The following NEIL3 variants were observed in gnomAD, a reference collection of about 807,000 sequenced individuals.
NEIL3 encodes the protein endonuclease 8-like 3.
A neutral mutation model predicts 57.5 loss-of-function variants in NEIL3; 48 were observed. That is an observed-to-expected ratio of 0.83 (90% confidence interval 0.66 to 1.06). NEIL3 has a LOEUF of 1.06. Among genes scored for constraint, NEIL3 ranks in the 50% least tolerant of loss-of-function variants. The pLI is 0.00. For synonymous variants in NEIL3, 261 were observed against 253.2 expected (o/e 1.03, Z -0.29); for missense variants, 717 against 739.1 (o/e 0.97, Z 0.35).
At chr4:177,371,214 A>T in the NEIL3 span, among the ~76,000 whole-genome samples, 4 of 152,150 alleles carry the variant, frequency 2.6e-5, no homozygotes, top group Non-Finnish European at 5.9e-5. Context: ...GTCACTCCCA[A>T]TCGCTAGCAT....
At chr4:177,321,141 C>T (rs558050454) in intron 1 of NEIL3, among the ~76,000 whole-genome samples, 1 of 152,242 alleles carries the variant, frequency 6.6e-6, no homozygotes, top group East Asian at 1.9e-4. Context: ...TCATTTCACT[C>T]TAAATTGAGG....
At chr4:177,363,164 T>G (rs1735643608), downstream of NEIL3, among the ~76,000 whole-genome samples, 1 of 152,192 alleles carries the variant, frequency 6.6e-6, no homozygotes, top group Non-Finnish European at 1.5e-5. Context: ...GTATTTAAAT[T>G]TTAGCACAGA....
chr4:177,314,999 G>A (rs1734546505), intron 1 of NEIL3, among the ~76,000 whole-genome samples: 1 of 150,966 alleles, frequency 6.6e-6, no homozygotes, highest in Admixed American at 6.6e-5. Context: ...AACCCAGGAG[G>A]TGGAGCTTGC....
intron 1 of NEIL3, among the ~76,000 whole-genome samples, chr4:177,322,094 A>G (rs1458809488): frequency 6.6e-6 from 1 of 152,230 alleles, no homozygotes; most frequent in Non-Finnish European, 1.5e-5. Flanking sequence ...ACTTGGCTAT[A>G]TACTTCTGGA....
intron 1 of NEIL3, among the ~76,000 whole-genome samples, chr4:177,317,604 T>C (rs1198148505): frequency 7.6e-6 from 1 of 130,960 alleles, no homozygotes; most frequent in Non-Finnish European, 1.6e-5. Context: ...TTTCTTTTTT[T>C]TTTTTTTTTT....
At chr4:177,310,209 GC>G in intron 1 of NEIL3, 100 bp downstream of exon 1, 1 of 1,295,686 alleles carries the variant, frequency 7.7e-7, no homozygotes, top group Non-Finnish European at 1.0e-6. Context: ...CTTTGCTCTG[GC>G]CCAGGTTTCC....
chr4:177,320,292 C>G (rs934561196), intron 1 of NEIL3, among the ~76,000 whole-genome samples: 2 of 151,884 alleles, frequency 1.3e-5, no homozygotes, highest in African/African-American at 4.8e-5. Flanking sequence ...TGTGTTTTTT[C>G]CTCACTGAGT....
At chr4:177,350,510 A>T (rs1419934367) in intron 6 of NEIL3, among the ~76,000 whole-genome samples, 1 of 152,224 alleles carries the variant, frequency 6.6e-6, no homozygotes, top group Non-Finnish European at 1.5e-5. Flanking sequence ...GCTATCCACC[A>T]TGAAACAGTC....
chr4:177,334,985 G>A lies in NEIL3; in HGVS notation c.279-703G>A, dbSNP rs186825221. 9.4e-3 allele frequency among the ~76,000 whole-genome samples: 1,430 copies of A among 152,166 alleles called. 13 individuals are homozygous for A. The highest frequency in any genetic ancestry group is 0.016 in the Non-Finnish European group (1,064 of 67,990). On this transcript the variant is annotated intron_variant, in intron 2 of 9. Coordinates refer to ENST00000264596, the MANE Select transcript of NEIL3 (RefSeq NM_018248.3). ...TACGAATTTTTCATCGCTGCCTTGT[G>A]GCTTTCAAGTTAACCGTAAATATTT...
chr4:177,318,975 G>C (rs1368236898), intron 1 of NEIL3, among the ~76,000 whole-genome samples: 6 of 152,162 alleles, frequency 3.9e-5, no homozygotes, highest in Non-Finnish European at 8.8e-5. Context: ...ATTTTTAATG[G>C]GGAGGAGGAT....
chr4:177,345,174 C>T (rs920115283), intron 6 of NEIL3, among the ~76,000 whole-genome samples: 3 of 152,106 alleles, frequency 2.0e-5, no homozygotes, highest in Admixed American at 6.5e-5. Flanking sequence ...GAAGAAGAAA[C>T]ACTTAAGTCT....
chr4:177,347,898 A>G (rs1339586695), intron 6 of NEIL3, among the ~76,000 whole-genome samples: 1 of 152,216 alleles, frequency 6.6e-6, no homozygotes, highest in Non-Finnish European at 1.5e-5. Flanking sequence ...ACTGCCTGAC[A>G]CAGCTGTGTA....
chr4:177,345,150 G>A (rs974560634), intron 6 of NEIL3, among the ~76,000 whole-genome samples: 35 of 152,152 alleles, frequency 2.3e-4, no homozygotes, highest in Admixed American at 6.5e-5. Flanking sequence ...TATCCTACTG[G>A]CAATGGAAGT....
chr4:177,311,374 A>G (rs1734472670), intron 1 of NEIL3, among the ~76,000 whole-genome samples: 1 of 152,118 alleles, frequency 6.6e-6, no homozygotes, highest in Admixed American at 6.5e-5. Context: ...TCCCCAGGGA[A>G]GTAGCAAAGC....
chr4:177,319,677 A>G (rs1483474538), intron 1 of NEIL3, among the ~76,000 whole-genome samples: 1 of 152,166 alleles, frequency 6.6e-6, no homozygotes, highest in East Asian at 1.9e-4. Context: ...TGTAACTTAT[A>G]AAACCTAAAG....
intron 1 of NEIL3, among the ~76,000 whole-genome samples, chr4:177,320,655 ATTTTT>A (rs1181354336): frequency 6.7e-6 from 1 of 149,200 alleles, no homozygotes; most frequent in Non-Finnish European, 1.5e-5. Context: ...TTTTTTTTGT[ATTTTT>A]AGTAGAGACA....
At chr4:177,347,001 CAAA>C (rs11323162) in intron 6 of NEIL3, among the ~76,000 whole-genome samples, 15 of 123,372 alleles carry the variant, frequency 1.2e-4, no homozygotes, top group Non-Finnish European at 1.4e-4. Context: ...GACTCCGTCT[CAAA>C]AAAAAAAAAA....
chr4:177,341,346 T>C (rs1157728412), intron 5 of NEIL3, 130 bp from the exon 6 acceptor site: 6 of 589,888 alleles, frequency 1.0e-5, no homozygotes, highest in Non-Finnish European at 8.4e-6. Context: ...AAGATTATAT[T>C]GACATATGTA....
chr4:177,333,357 C>A (rs1435380839), intron 2 of NEIL3, among the ~76,000 whole-genome samples: 1 of 152,102 alleles, frequency 6.6e-6, no homozygotes, highest in Admixed American at 6.5e-5. Flanking sequence ...GAAGATATTT[C>A]TAATGAGAGG....
Sources: gnomAD v4.1 joint callset for allele counts (sites outside exome capture counted in the v4.1 genomes callset) on GRCh38, gnomAD v4.1.1 for gene constraint, MANE v1.5 for transcripts, NCBI Gene and HGNC (gene_info 2026-07-23, HGNC 2026-07-21) for gene names.